The following RADX variants were observed in gnomAD, a reference collection of about 807,000 sequenced individuals.
RADX encodes the protein RPA-related protein RADX.
In RADX, 36 loss-of-function variants were observed where a neutral mutation model predicts 61.6. The observed-to-expected ratio is 0.58, with a 90% CI of 0.45 to 0.77. The LOEUF (loss-of-function observed/expected upper bound fraction) is 0.77. Among genes scored for constraint, RADX ranks in the 30% least tolerant of loss-of-function variants. The pLI, the probability that RADX is intolerant of heterozygous loss-of-function variation, is 0.00. For missense variants in RADX, 497 were observed against 651.1 expected (o/e 0.76, Z 2.58); for synonymous variants, 272 against 237.9 (o/e 1.14, Z -1.32).
In RADX at chrX:106,612,202, G is replaced by A. The variant is rs909164266; in HGVS notation, c.122G>A (p.Gly41Glu). The change falls in exon 1 of 14, where the codon GGG (glycine) becomes GAG (glutamate). Residue 41 changes from glycine to glutamate, a missense_variant. Coordinates refer to ENST00000372548, the MANE Select transcript of RADX (RefSeq NM_018015.6). ...GGVIRRAGSQ[G>E]PRSWIQKVLE... Reference sequence around the variant, plus strand: ...GTGATCCGAAGAGCTGGTTCCCAAGGGCCCAGGTCCTGGATCCAAAAGGTT... The same window carrying A: ...GTGATCCGAAGAGCTGGTTCCCAAGAGCCCAGGTCCTGGATCCAAAAGGTT... The A allele has an allele frequency of 1.3e-5, 16 of 1,209,770 alleles. No homozygotes were observed. The highest frequency in any genetic ancestry group is 1.8e-5 in the African/African-American group (1 of 57,056).
chrX:106,666,558 G>T (rs892522310), intron 12 of RADX, among the ~76,000 whole-genome samples: 1 of 111,820 alleles, frequency 8.9e-6, no homozygotes, highest in African/African-American at 3.2e-5. Flanking sequence ...CTAATACCAA[G>T]GAGGGAAAGA....
intron 3 of RADX, among the ~76,000 whole-genome samples, chrX:106,628,003 T>G (rs1280785874): frequency 9.0e-6 from 1 of 110,991 alleles, no homozygotes; most frequent in Non-Finnish European, 1.9e-5. Flanking sequence ...GCCCAGCTAA[T>G]TTTTGTTTTT....
At chrX:106,639,424 G>A in intron 8 of RADX, 103 bp from the exon 9 acceptor site, 1 of 681,311 alleles carries the variant, frequency 1.5e-6, no homozygotes, top group Non-Finnish European at 2.1e-6. Context: ...AGTTAATGTA[G>A]TAAGTTTATA....
rs775530156 is a variant in RADX at position 106,662,158 on chromosome X, C to A, written c.2122C>A (p.Arg708=). Residue 708 remains arginine (R), a synonymous_variant, in exon 12 of 14, where the codon CGG becomes AGG. Coordinates refer to ENST00000372548, the MANE Select transcript of RADX (RefSeq NM_018015.6). ...YSRVYPESIP[R]KFMFEHRKFL... is the part of the protein sequence containing the mutation. ...CCGTGTTTATCCTGAAAGTATTCCACGGAAATTTATGTTTGAACACAGAAA... is the reference window on the plus strand; with the variant it reads ...CCGTGTTTATCCTGAAAGTATTCCAAGGAAATTTATGTTTGAACACAGAAA... 2.4e-5 allele frequency: 29 copies of A among 1,210,518 alleles called. No individual in the cohort carries two copies. In the East Asian group the frequency reaches 8.6e-4, roughly 36 times the overall value.
At chrX:106,617,923 T>A (rs1196904952) in intron 1 of RADX, among the ~76,000 whole-genome samples, 4 of 111,206 alleles carry the variant, frequency 3.6e-5, no homozygotes, top group Non-Finnish European at 5.7e-5. Flanking sequence ...AGAAAAAAAA[T>A]TTATGCAGAA....
At chrX:106,659,024 G>A (rs768669895) in intron 11 of RADX, among the ~76,000 whole-genome samples, 29 of 109,309 alleles carry the variant, frequency 2.7e-4, no homozygotes, top group African/African-American at 8.7e-4. Context: ...GCAATGGCAC[G>A]ATCATGGCTC....
intron 12 of RADX, among the ~76,000 whole-genome samples, chrX:106,662,706 C>A (rs1410912904): frequency 9.6e-6 from 1 of 103,720 alleles, no homozygotes. Flanking sequence ...CAAAAGAAGC[C>A]CCTACCAAAA....
intron 13 of RADX, among the ~76,000 whole-genome samples, chrX:106,676,072 A>G (rs2147646967): frequency 8.9e-6 from 1 of 112,182 alleles, no homozygotes; most frequent in African/African-American, 3.2e-5. Flanking sequence ...TGTGGATAGA[A>G]GTAAGTCATT....
At position 106,637,781 on chromosome X, in the gene RADX, C is replaced by T. The variant is rs755480947; in HGVS notation, c.1430C>T (p.Thr477Met). The part of the protein sequence containing the change: ...FITGHRGQPY[T>M]YDAKVKNFIQ... ...GGAGGTCATAGAGGCCAGCCGTATACGTATGATGCCAAGGTAAAAAACTTT... is the reference window on the plus strand; with the variant it reads ...GGAGGTCATAGAGGCCAGCCGTATATGTATGATGCCAAGGTAAAAAACTTT... Residue 477 changes from threonine (T) to methionine (M), a missense_variant, in exon 8 of 14, where the codon ACG (threonine) becomes ATG (methionine). Physicochemically the swap from Thr to Met is moderately conservative, Grantham distance 81 (BLOSUM62 -1). Around this residue, in one of 3 missense-constraint regions of RADX, gnomAD observed 267 missense variants for 306.9 expected, o/e 0.87. Coordinates refer to ENST00000372548, the MANE Select transcript of RADX (RefSeq NM_018015.6). 2.5e-6 allele frequency: 3 copies of T among 1,206,151 alleles called. No individual in the cohort carries two copies. Among genetic ancestry groups the T allele is most frequent in the Admixed American group, 4.4e-5 (2 of 45,577 alleles).
intron 11 of RADX, among the ~76,000 whole-genome samples, chrX:106,660,970 G>A (rs1312572918): frequency 9.0e-6 from 1 of 111,390 alleles, no homozygotes; most frequent in East Asian, 2.8e-4. Context: ...GCAGGCAAGA[G>A]AGACAATGTG....
In RADX at chrX:106,678,171, C is replaced by T; in HGVS notation, c.2481C>T (p.Ile827=). ...KAATELDRVH[I]VGILDICNLG... is the part of the protein sequence containing the mutation. Reference sequence around the variant, plus strand: ...CAACTGAACTGGATAGAGTGCATATCGTCGGTATCTTGGATATCTGTAATT... The same window carrying T: ...CAACTGAACTGGATAGAGTGCATATTGTCGGTATCTTGGATATCTGTAATT... Residue 827 remains isoleucine (I), a synonymous_variant, in exon 14 of 14, where the codon ATC becomes ATT. Coordinates refer to ENST00000372548, the MANE Select transcript of RADX (RefSeq NM_018015.6). The T allele has an allele frequency of 8.5e-7, 1 of 1,175,471 alleles. No individual in the cohort carries two copies. Among genetic ancestry groups the T allele is most frequent in the Non-Finnish European group, 1.2e-6 (1 of 863,154 alleles).
At chrX:106,639,105 T>A (rs943976063) in intron 8 of RADX, among the ~76,000 whole-genome samples, 14 of 111,510 alleles carry the variant, frequency 1.3e-4, no homozygotes, top group African/African-American at 2.9e-4. Context: ...AATTGCATGG[T>A]TTTGGAAAAA....
intron 11 of RADX, among the ~76,000 whole-genome samples, 166 bp from the exon 12 acceptor site, chrX:106,661,849 A>G (rs1253155451): frequency 8.9e-6 from 1 of 111,883 alleles, no homozygotes; most frequent in Non-Finnish European, 1.9e-5. Context: ...CCTCACTTTA[A>G]TAAGAATTTT....
chrX:106,665,251 C>T (rs759127588), intron 12 of RADX, among the ~76,000 whole-genome samples: 2 of 111,715 alleles, frequency 1.8e-5, no homozygotes, highest in Non-Finnish European at 3.8e-5. Flanking sequence ...AGGTGGCACA[C>T]TTGGTCAGTA....
rs1603062633 is a variant in RADX at position 106,669,048 on chromosome X, G to T, written c.2270-115G>T. On this transcript the variant is annotated intron_variant, in intron 12 of 13. Transcript: ENST00000372548. ...TTTAGTCTCCAGTTTTCAAACACAG[G>T]TTTTTTCAGATCTAAAGCTATCTGG... The T allele has an allele frequency of 1.9e-5, 11 of 571,792 alleles. No homozygotes were observed. In the East Asian group the frequency reaches 3.8e-4, roughly 20 times the overall value. The allele number at this position is 571,792 out of a possible 1,213,427, so 47.1% of individuals were successfully genotyped here.
intron 6 of RADX, among the ~76,000 whole-genome samples, chrX:106,636,342 C>A (rs932303377): frequency 1.8e-5 from 2 of 111,682 alleles, no homozygotes; most frequent in African/African-American, 6.5e-5. Context: ...ACTGGCAGCA[C>A]TAATAATTGC....
intron 3 of RADX, among the ~76,000 whole-genome samples, chrX:106,628,972 T>G (rs1927140965): frequency 8.9e-6 from 1 of 112,273 alleles, no homozygotes; most frequent in Non-Finnish European, 1.9e-5. Flanking sequence ...AATGGAAATC[T>G]ATAAAGATGG....
chrX:106,626,517 C>A (rs1004017750), intron 3 of RADX, among the ~76,000 whole-genome samples: 1 of 105,137 alleles, frequency 9.5e-6, no homozygotes, highest in African/African-American at 3.3e-5. Context: ...ACTAAGAAAA[C>A]ACAGTAAAAG....
At chrX:106,629,192 C>T (rs752964614) in intron 3 of RADX, among the ~76,000 whole-genome samples, 8 of 111,124 alleles carry the variant, frequency 7.2e-5, no homozygotes, top group Non-Finnish European at 1.5e-4. Context: ...TTGATTTTGG[C>T]GGGCAGGGGC....
Sources: gnomAD v4.1 joint callset for allele counts (sites outside exome capture counted in the v4.1 genomes callset) on GRCh38, gnomAD v4.1.1 for gene constraint, gnomAD v4.1.1 regional missense constraint, MANE v1.5 for transcripts, NCBI Gene and HGNC (gene_info 2026-07-23, HGNC 2026-07-21) for gene names.